Variants in EIF2AK1 observed in about 807,000 individuals in gnomAD.
EIF2AK1 encodes eukaryotic translation initiation factor 2-alpha kinase 1.
Under a neutral mutation model 77.9 loss-of-function variants are expected in EIF2AK1, and 54 were observed. That is an observed-to-expected ratio of 0.69 (90% confidence interval 0.56 to 0.87). The LOEUF is 0.87. EIF2AK1 is among the 40% of genes least tolerant of loss of function. The pLI, the probability that EIF2AK1 is intolerant of heterozygous loss-of-function variation, is 0.00. For missense variants in EIF2AK1, 810 were observed against 768.6 expected (o/e 1.05, Z -0.64); for synonymous variants, 314 against 290.5 (o/e 1.08, Z -0.82).
At chr7:6,051,162 G>C (rs139441467) in intron 2 of EIF2AK1, among the ~76,000 whole-genome samples, 12 of 152,096 alleles carry the variant, frequency 7.9e-5, no homozygotes, top group Non-Finnish European at 1.8e-4. Context: ...CATGGTACAC[G>C]TGTGTAAACC....
intron 2 of EIF2AK1, among the ~76,000 whole-genome samples, chr7:6,053,829 G>A (rs1788676501): frequency 9.1e-6 from 1 of 109,782 alleles, no homozygotes; most frequent in Non-Finnish European, 1.9e-5. Context: ...CATTACGCCT[G>A]GGTAGTTTTG....
intron 11 of EIF2AK1, among the ~76,000 whole-genome samples, chr7:6,037,203 C>T (rs1051674585): frequency 6.6e-6 from 1 of 150,772 alleles, no homozygotes; most frequent in Non-Finnish European, 1.5e-5. Context: ...TGCGCTCCAA[C>T]GTGGGTGACA....
chr7:6,026,659 G>A (rs539616137), intron 14 of EIF2AK1, 69 bp downstream of exon 14: 58 of 1,308,186 alleles, frequency 4.4e-5, no homozygotes, highest in Non-Finnish European at 5.8e-5. Flanking sequence ...CCACCCAACC[G>A]CTTCCTTCCC....
intron 14 of EIF2AK1, among the ~76,000 whole-genome samples, chr7:6,026,157 AG>A (rs1296573285): frequency 7.2e-5 from 11 of 152,108 alleles, no homozygotes; most frequent in Non-Finnish European, 1.6e-4. Flanking sequence ...GGGAGGTACC[AG>A]GATCATGTAC....
chr7:6,024,791 G>T lies in EIF2AK1; in HGVS notation c.1775C>A (p.Thr592Asn). 1 of 1,549,656 alleles carries T rather than the reference G, an allele frequency of 6.5e-7. No homozygotes were observed. Among genetic ancestry groups the T allele is most frequent in the South Asian group, 1.2e-5 (1 of 81,604 alleles). Reference protein sequence around the residue: ...LFQNSGNVNLTLQMKIIEQEK... With the variant: ...LFQNSGNVNLNLQMKIIEQEK... ...TTGCTCTATTATCTTCATCTGTAGG[G>T]TGAGGTTAACCTGTAAGGAGAAAAT... Residue 592 changes from threonine (T) to asparagine (N), a missense_variant, in exon 15 of 15, where the codon ACC becomes AAC. Thr to Asn is a moderately conservative substitution (Grantham distance 65, BLOSUM62 0). Transcript: ENST00000199389.
chr7:6,030,523 A>ATC (rs923859393), intron 11 of EIF2AK1, among the ~76,000 whole-genome samples: 1 of 152,142 alleles, frequency 6.6e-6, no homozygotes, highest in African/African-American at 2.4e-5. Context: ...TCTTTAAGAC[A>ATC]GAGTCTTGCT....
intron 6 of EIF2AK1, among the ~76,000 whole-genome samples, chr7:6,045,653 G>A (rs1267113299): frequency 6.6e-6 from 1 of 151,208 alleles, no homozygotes; most frequent in Non-Finnish European, 1.5e-5. Context: ...AGACTGACCT[G>A]GAACTGGGCT....
At chr7:6,025,580 G>A (rs1224873510) in intron 14 of EIF2AK1, among the ~76,000 whole-genome samples, 1 of 152,204 alleles carries the variant, frequency 6.6e-6, no homozygotes, top group Admixed American at 6.5e-5. Context: ...CTGAGAATGG[G>A]TTTAAATATT....
Position 6,032,909 on chromosome 7 carries a change from T to A in EIF2AK1, c.1333-3877A>T, listed in dbSNP as rs774922697. 1.9e-6 allele frequency: 3 copies of A among 1,550,952 alleles called. No homozygotes were observed. The highest frequency in any genetic ancestry group is 2.6e-6 in the Non-Finnish European group (3 of 1,146,978). ...AAGGCCCAGAGTCTGCTCTGCCTGT[T>A]ACGGCACGGTGCTGACCCAGAAGTC... On this transcript the variant is annotated intron_variant, in intron 11 of 14. Coordinates refer to ENST00000199389, the MANE Select transcript of EIF2AK1 (RefSeq NM_014413.4). The surrounding 1 kb of genome is among the most constrained non-coding windows in gnomAD (Gnocchi z 4.3).
chr7:6,044,767 T>A lies in EIF2AK1; in HGVS notation c.631-106A>T, dbSNP rs914401090. Reference sequence around the variant, plus strand: ...AATACAGATGGCCCCTGACTTACAATGGTATGAAGACATCACAATTTTTGA... The same window carrying A: ...AATACAGATGGCCCCTGACTTACAAAGGTATGAAGACATCACAATTTTTGA... On this transcript the variant is annotated intron_variant, in intron 6 of 14. Transcript: ENST00000199389. 3.4e-6 allele frequency: 3 copies of A among 888,672 alleles called. No homozygotes were observed. In the African/African-American group the frequency reaches 5.0e-5, roughly 15 times the overall value. The allele number at this position is 888,672 out of a possible 1,614,324, so 55.0% of individuals were successfully genotyped here.
chr7:6,054,731 T>G (rs1208821704), intron 1 of EIF2AK1, 27 bp from the exon 2 acceptor site: 2 of 1,586,848 alleles, frequency 1.3e-6, no homozygotes, highest in Non-Finnish European at 1.7e-6. Flanking sequence ...AAAATATTTT[T>G]AAATTAATGG....
intron 2 of EIF2AK1, among the ~76,000 whole-genome samples, chr7:6,051,962 C>T (rs111636574): frequency 9.9e-5 from 15 of 151,930 alleles, no homozygotes; most frequent in African/African-American, 3.6e-4. Context: ...CATGAGGTCA[C>T]GAGATCGAGA....
In EIF2AK1 at chr7:6,059,112, C is replaced by A. The variant is rs1403176507; in HGVS notation, c.-29G>T. 3.0e-6 allele frequency: 4 copies of A among 1,338,212 alleles called. No individual in the cohort carries two copies. Among genetic ancestry groups the A allele is most frequent in the Non-Finnish European group, 3.8e-6 (4 of 1,042,296 alleles). 82.9% of individuals were successfully genotyped at this position (1,338,212 alleles called of 1,614,324 possible). ...CGGCCGCGCGCGGGCCGCAGCCCAGCCCGCCGGCCAGCCCAGCACTGCCAC... is the reference window on the plus strand; with the variant it reads ...CGGCCGCGCGCGGGCCGCAGCCCAGACCGCCGGCCAGCCCAGCACTGCCAC... On this transcript the variant is annotated 5_prime_UTR_variant, in exon 1 of 15. Transcript: ENST00000199389.
rs1787683268 is a variant in EIF2AK1, at chr7:6,024,579, C to G, written c.*94G>C. On this transcript the variant is annotated 3_prime_UTR_variant, in exon 15 of 15. Transcript: ENST00000199389. ...ACATCTTTAACAAGTCTTGTAAAGG[C>G]TTACTAAATACAACGAAGCATTGTA... The G allele has an allele frequency of 7.0e-6, 11 of 1,578,654 alleles. No homozygotes were observed. In the South Asian group the frequency reaches 1.3e-4, roughly 19 times the overall value.
intron 5 of EIF2AK1, 131 bp downstream of exon 5, chr7:6,046,861 C>T (rs1471029674): frequency 6.4e-6 from 5 of 781,230 alleles, no homozygotes; most frequent in South Asian, 4.1e-5. Flanking sequence ...GAGATTGCGC[C>T]GCGCACTCCA....
Position 6,029,013 on chromosome 7 carries a change from T to A in EIF2AK1, c.1352A>T (p.His451Leu). ...TATTTTTACTTGCTGATCAGGGCCATGAAGAAAAATATTTCTTGGCTATCA... is the reference window on the plus strand; with the variant it reads ...TATTTTTACTTGCTGATCAGGGCCAAGAAGAAAAATATTTCTTGGCTATCA... ...RDLKPRNIFL[H>L]GPDQQVKIGD... The change falls in exon 12 of 15, where the codon CAT becomes CTT. Residue 451 changes from histidine to leucine, a missense_variant. Transcript: ENST00000199389. The A allele has an allele frequency of 6.2e-7, 1 of 1,610,908 alleles. No individual in the cohort carries two copies. The highest frequency in any genetic ancestry group is 1.1e-5 in the South Asian group (1 of 90,164).
At position 6,037,480 on chromosome 7, in the gene EIF2AK1, A is replaced by G. The variant is rs754309072; in HGVS notation, c.1276T>C (p.Leu426=). Residue 426 remains leucine (L), a synonymous_variant, in exon 11 of 15, where the codon TTG becomes CTG. Transcript: ENST00000199389. ...TGTATGTAAAACACACCTTCTACCAATTCTTGAAAAATTTTTGTTGCAACA... is the reference window on the plus strand; with the variant it reads ...TGTATGTAAAACACACCTTCTACCAGTTCTTGAAAAATTTTTGTTGCAACA... ...ANVATKIFQE[L]VEGVFYIHNM... 35 of 1,613,204 alleles carry G rather than the reference A, an allele frequency of 2.2e-5. No homozygotes were observed. The highest frequency in any genetic ancestry group is 3.0e-5 in the Non-Finnish European group (35 of 1,179,676).
In EIF2AK1 at chr7:6,027,113, T is replaced by G; in HGVS notation, c.1531-152A>C. 1.5e-6 allele frequency: 1 copy of G among 667,118 alleles called. No individual in the cohort carries two copies. The highest frequency in any genetic ancestry group is 1.9e-5 in the South Asian group (1 of 53,084). 41.3% of individuals were successfully genotyped at this position (667,118 alleles called of 1,614,324 possible). Reference sequence around the variant, plus strand: ...GAAGGGAACAGAGCAGGATAGCTCATCAGTGACAGGGACTTTCACAACCTC... The same window carrying G: ...GAAGGGAACAGAGCAGGATAGCTCAGCAGTGACAGGGACTTTCACAACCTC... On this transcript the variant is annotated intron_variant, in intron 13 of 14. Transcript: ENST00000199389. The surrounding 1 kb of genome is among the most constrained non-coding windows in gnomAD (Gnocchi z 4.5).
intron 4 of EIF2AK1, chr7:6,047,911 T>C (rs143967799): frequency 1.3e-5 from 2 of 152,206 alleles, no homozygotes; most frequent in African/African-American, 4.8e-5. Flanking sequence ...CCAGACTTAA[T>C]GTGGACACCA....
Sources: gnomAD v4.1 joint callset for allele counts (sites outside exome capture counted in the v4.1 genomes callset) on GRCh38, gnomAD v4.1.1 for gene constraint, Gnocchi (gnomAD v3.1) non-coding constraint, MANE v1.5 for transcripts, NCBI Gene and HGNC (gene_info 2026-07-23, HGNC 2026-07-21) for gene names.